Variants in BIN2 observed in about 807,000 individuals in gnomAD.
The protein encoded by BIN2 is breast cancer associated protein BRAP1.
In BIN2, 43 loss-of-function variants were observed where a neutral mutation model predicts 67.9. The observed-to-expected ratio is 0.63, with a 90% CI of 0.50 to 0.82. The LOEUF (loss-of-function observed/expected upper bound fraction) is 0.82, where lower values mean the gene tolerates loss of function less well. BIN2 is among the 40% of genes least tolerant of loss of function. The probability of loss-of-function intolerance (pLI) is 0.00; values close to 1 mark genes in which losing one functional copy is unlikely to be tolerated. For missense variants in BIN2, 581 were observed against 671.6 expected (o/e 0.87, Z 1.49); for synonymous variants, 244 against 246.8 (o/e 0.99, Z 0.11).
At chr12:51,283,869 C>T (rs1296350883) in intron 12 of BIN2, among the ~76,000 whole-genome samples, 1 of 151,756 alleles carries the variant, frequency 6.6e-6, no homozygotes, top group African/African-American at 2.4e-5. Context: ...TGGCGCATGC[C>T]TGTAATCCCA....
chr12:51,297,714 T>C (rs1945607405), intron 7 of BIN2, among the ~76,000 whole-genome samples: 1 of 152,174 alleles, frequency 6.6e-6, no homozygotes, highest in South Asian at 2.1e-4. Context: ...CACCAAAGTT[T>C]AACAGTTTCA....
rs572287300 is a variant in BIN2 at position 51,295,860 on chromosome 12, C to G, written c.697G>C (p.Glu233Gln). Reference protein sequence around the residue: ...EMSKLNHNLYEVMSKLEKQHS... With the variant: ...EMSKLNHNLYQVMSKLEKQHS... ...TGCTTCTCCAGTTTGCTCATCACCT[C>G]GTAGAGATTGTGGTTCAGCTAGAGC... The change falls in exon 9 of 13, where the codon GAG becomes CAG. Residue 233 changes from glutamate (E) to glutamine (Q), a missense_variant. Physicochemically the swap from Glu to Gln is conservative, Grantham distance 29. Coordinates refer to ENST00000615107, the MANE Select transcript of BIN2 (RefSeq NM_016293.4). The G allele has an allele frequency of 1.8e-5, 29 of 1,612,700 alleles. No homozygotes were observed. Among genetic ancestry groups the G allele is most frequent in the South Asian group, 4.4e-5 (4 of 90,952 alleles).
At chr12:51,281,606 G>T (rs1945121758) in intron 12 of BIN2, 78 bp from the exon 13 acceptor site, 4 of 1,455,638 alleles carry the variant, frequency 2.7e-6, no homozygotes, top group Non-Finnish European at 3.9e-6. Context: ...AACTCAGTTT[G>T]CTTCTACTGA....
intron 7 of BIN2, 90 bp from the exon 8 acceptor site, chr12:51,297,254 C>A (rs1287389483): frequency 7.7e-7 from 1 of 1,297,818 alleles, no homozygotes; most frequent in African/African-American, 1.5e-5. Context: ...TAAGCCAAAA[C>A]CAGCCACCAA....
chr12:51,297,194 C>G (rs776064504), intron 7 of BIN2, 30 bp from the exon 8 acceptor site: 10 of 1,584,526 alleles, frequency 6.3e-6, no homozygotes, highest in South Asian at 1.1e-5. Context: ...CAAACACATA[C>G]GAGTAAGGCA....
In BIN2 at chr12:51,294,372, G is replaced by T. The variant is rs574835091; in HGVS notation, c.761+1424C>A. Among the ~76,000 whole-genome samples the T allele has an allele frequency of 1.2e-4, 19 of 152,180 alleles. 1 individual carries two copies. The highest frequency in any genetic ancestry group is 2.0e-4 in the Admixed American group (3 of 15,282). On this transcript the variant is annotated intron_variant, in intron 9 of 12. Coordinates refer to ENST00000615107, the MANE Select transcript of BIN2 (RefSeq NM_016293.4). ...TCACGAGGTCAGAAGTTCAAGACCA[G>T]CCTGGCCAGTATGGTGAAACCGCGT...
At position 51,313,956 on chromosome 12, in the gene BIN2, A is replaced by G. The variant is rs1592279185; in HGVS notation, c.82-53T>C. 3 of 1,471,708 alleles carry G rather than the reference A, an allele frequency of 2.0e-6. 1 individual carries two copies. In the East Asian group the frequency reaches 6.8e-5, roughly 33 times the overall value. The allele number at this position is 1,471,708 out of a possible 1,614,324, so 91.2% of individuals were successfully genotyped here. ...AAGGTTATAGTCAAGTCTCTCTTAC[A>G]TGTTGGCCTCATATGACCCTGGCTT... On this transcript the variant is annotated intron_variant, in intron 1 of 12. Transcript: ENST00000615107.
At chr12:51,302,398 C>A (rs752105705) in intron 4 of BIN2, 8 of 521,792 alleles carry the variant, frequency 1.5e-5, no homozygotes, top group Non-Finnish European at 2.4e-5. Flanking sequence ...TGTATAACTG[C>A]ATGAAGTTTG....
In BIN2 at chr12:51,284,726, G is replaced by C; in HGVS notation, c.1658C>G (p.Pro553Arg). ...TATATCTGGTCTTACCTCTTCTTGA[G>C]GTTCAGGTGCTGTGAGGTTGTTGTT... The part of the protein sequence containing the change: ...PENNNLTAPE[P>R]QEEVSTSENP... Residue 553 changes from proline to arginine, a missense_variant, in exon 12 of 13, where the codon CCT becomes CGT. Coordinates refer to ENST00000615107, the MANE Select transcript of BIN2 (RefSeq NM_016293.4). 6.2e-7 allele frequency: 1 copy of C among 1,610,822 alleles called. No homozygotes were observed. The highest frequency in any genetic ancestry group is 8.5e-7 in the Non-Finnish European group (1 of 1,177,134).
chr12:51,315,704 T>C (rs1464782955), intron 1 of BIN2, among the ~76,000 whole-genome samples: 3 of 152,134 alleles, frequency 2.0e-5, no homozygotes, highest in South Asian at 2.1e-4. Context: ...TGTGGAAAAC[T>C]TTGAGAGGCC....
At chr12:51,314,465 G>C (rs527366080) in intron 1 of BIN2, among the ~76,000 whole-genome samples, 4 of 152,142 alleles carry the variant, frequency 2.6e-5, no homozygotes, top group Non-Finnish European at 5.9e-5. Flanking sequence ...ATACGTAGTA[G>C]TGAGCTAGAG....
At chr12:51,287,273 C>T (rs1363960676) in intron 11 of BIN2, among the ~76,000 whole-genome samples, 1 of 152,130 alleles carries the variant, frequency 6.6e-6, no homozygotes, top group East Asian at 1.9e-4. Context: ...GCCTCAGCAT[C>T]CTGAGTAGCT....
Position 51,291,741 on chromosome 12 carries a change from C to A in BIN2, c.1365G>T (p.Gly455=). The change falls in exon 10 of 13, where the codon GGG becomes GGT. Residue 455 remains glycine, a synonymous_variant. Transcript: ENST00000615107. The part of the protein sequence containing the change: ...PTSPRASLGT[G]TASPRTSLEV... The stretch of plus-strand genomic sequence containing the variant: ...CTAGGGAGGTCCTAGGACTTGCAGT[C>A]CCAGTCCCCAAGGAGGCCCTAGGGC... 1 of 1,613,576 alleles carries A rather than the reference C, an allele frequency of 6.2e-7. No individual in the cohort carries two copies. The highest frequency in any genetic ancestry group is 8.5e-7 in the Non-Finnish European group (1 of 1,179,714).
chr12:51,281,307 G>C lies in BIN2; in HGVS notation c.*192C>G. The stretch of plus-strand genomic sequence containing the variant: ...TGAGTCTAATGTTCTCTTCTCCCCA[G>C]CCTGCCTCCCTCCATCCCTCCCGTA... On this transcript the variant is annotated 3_prime_UTR_variant, in exon 13 of 13. Transcript: ENST00000615107. The C allele has an allele frequency of 9.8e-6, 6 of 612,038 alleles. No homozygotes were observed. The highest frequency in any genetic ancestry group is 1.8e-5 in the Non-Finnish European group (6 of 335,838). 37.9% of individuals were successfully genotyped at this position (612,038 alleles called of 1,614,324 possible). A position where few individuals can be genotyped will look rare whatever the true frequency, so the allele number is the denominator to read the frequency against.
chr12:51,321,404 C>CT (rs879721709), intron 1 of BIN2, among the ~76,000 whole-genome samples: 68 of 145,238 alleles, frequency 4.7e-4, no homozygotes, highest in East Asian at 2.4e-3. Flanking sequence ...ATCACTTTGT[C>CT]TTTTTTTTTT....
intron 2 of BIN2, among the ~76,000 whole-genome samples, chr12:51,306,910 G>T (rs1303479683): frequency 6.6e-6 from 1 of 152,278 alleles, no homozygotes; most frequent in East Asian, 1.9e-4. Context: ...GATAAGGGAG[G>T]TAGGTAGAGG....
rs1398790596 is a variant in BIN2 at position 51,284,898 on chromosome 12, T to C, written c.1597-111A>G. On this transcript the variant is annotated intron_variant, in intron 11 of 12. Coordinates refer to ENST00000615107, the MANE Select transcript of BIN2 (RefSeq NM_016293.4). Reference sequence around the variant, plus strand: ...TACAAGGGTCTCAGTATTTGTACTATTACAAAGGGCAAAATACAGTGTTGT... The same window carrying C: ...TACAAGGGTCTCAGTATTTGTACTACTACAAAGGGCAAAATACAGTGTTGT... The C allele has an allele frequency of 7.8e-6, 6 of 771,854 alleles. No individual in the cohort carries two copies. In the East Asian group the frequency reaches 1.0e-4, roughly 13 times the overall value. 47.8% of individuals were successfully genotyped at this position (771,854 alleles called of 1,614,324 possible).
At chr12:51,316,834 T>G (rs1462345758) in intron 1 of BIN2, among the ~76,000 whole-genome samples, 2 of 152,178 alleles carry the variant, frequency 1.3e-5, no homozygotes, top group African/African-American at 4.8e-5. Flanking sequence ...CTTCTGTATC[T>G]TGTATACAGT....
At chr12:51,321,290 GT>G (rs964369619) in intron 1 of BIN2, among the ~76,000 whole-genome samples, 2 of 152,022 alleles carry the variant, frequency 1.3e-5, no homozygotes, top group African/African-American at 4.8e-5. Context: ...TTTGAGCCTT[GT>G]TTCCTTATTT....
Sources: allele counts gnomAD v4.1 joint callset (sites outside exome capture counted in the v4.1 genomes callset), GRCh38; gene constraint gnomAD v4.1.1; transcripts MANE v1.5; gene names NCBI Gene and HGNC (gene_info 2026-07-23, HGNC 2026-07-21).